UBAP2L: variants seen among roughly 807,000 people sequenced by gnomAD.
The protein encoded by UBAP2L is ubiquitin-associated protein 2-like.
In UBAP2L, 12 loss-of-function variants were observed where a neutral mutation model predicts 130.6. The ratio of observed to expected loss-of-function variants is 0.09; its 90% CI spans 0.06 to 0.15. UBAP2L has a LOEUF of 0.15. UBAP2L is among the 10% of genes least tolerant of loss of function. UBAP2L has a pLI of 1.00. For missense variants in UBAP2L, 965 were observed against 1,332.5 expected, an observed-to-expected ratio of 0.72 and a Z score of 4.29; for synonymous variants, 503 against 524.7, an observed-to-expected ratio of 0.96 and a Z score of 0.57.
At chr1:154,269,177 T>C in intron 26 of UBAP2L, 1 of 823,824 alleles carries the variant, frequency 1.2e-6, no homozygotes, top group Non-Finnish European at 1.9e-6. Flanking sequence ...TTTTGCCCAA[T>C]TCCTTTGGTG....
chr1:154,252,585 GT>G (rs1678087846), intron 14 of UBAP2L, among the ~76,000 whole-genome samples: 1 of 151,476 alleles, frequency 6.6e-6, no homozygotes, highest in Non-Finnish European at 1.5e-5. Context: ...CTGGCTCAGA[GT>G]TTTGCTCTTG....
intron 18 of UBAP2L, 112 bp from the exon 19 acceptor site, chr1:154,256,951 A>G (rs1405108348): frequency 6.2e-6 from 8 of 1,294,516 alleles, no homozygotes; most frequent in Non-Finnish European, 8.4e-6. Context: ...GGCCTCTTTA[A>G]TTAGGAAGTT....
At chr1:154,243,372 C>G in intron 10 of UBAP2L, 70 bp downstream of exon 10, 2 of 1,425,830 alleles carry the variant, frequency 1.4e-6, no homozygotes, top group East Asian at 2.3e-5. Flanking sequence ...AGAGAAGTGG[C>G]ACTGGCCTTT....
intron 1 of UBAP2L, among the ~76,000 whole-genome samples, chr1:154,224,410 C>T (rs1667300991): frequency 6.6e-6 from 1 of 152,040 alleles, no homozygotes; most frequent in Non-Finnish European, 1.5e-5. Flanking sequence ...AATTATTTTC[C>T]AGAGAACAGA....
At chr1:154,254,971 C>T in intron 16 of UBAP2L, 81 bp downstream of exon 16, 1 of 1,515,544 alleles carries the variant, frequency 6.6e-7, no homozygotes, top group Non-Finnish European at 8.9e-7. Context: ...GTTCCCTTCA[C>T]TGGACAATTG....
intron 7 of UBAP2L, 118 bp downstream of exon 7, chr1:154,236,729 G>C: frequency 9.2e-7 from 1 of 1,083,622 alleles, no homozygotes; most frequent in Non-Finnish European, 1.4e-6. Context: ...GGGACTTAGG[G>C]CTCATTTCTT....
In UBAP2L at chr1:154,261,010, C is replaced by T. The variant is rs1348076137; in HGVS notation, c.2697C>T (p.Asn899=). 1 of 1,614,222 alleles carries T rather than the reference C, an allele frequency of 6.2e-7. No homozygotes were observed. Among genetic ancestry groups the T allele is most frequent in the South Asian group, 1.1e-5 (1 of 91,088 alleles). ...THHTTQQTFL[N]PALPPGYSYT... is the part of the protein sequence containing the mutation. ...ATACCACGCAGCAGACATTCCTGAA[C>T]CCGGCGCTGCCTCCTGGCTACAGTT... The change falls in exon 23 of 27, where the codon AAC becomes AAT. Residue 899 remains asparagine, a synonymous_variant. Transcript: ENST00000428931.
chr1:154,226,139 C>CT (rs1433266126), intron 2 of UBAP2L, among the ~76,000 whole-genome samples: 1 of 152,202 alleles, frequency 6.6e-6, no homozygotes. Flanking sequence ...TCTAGCAAGC[C>CT]TTTTCCATTC....
chr1:154,269,548 T>C (rs1478504314), intron 26 of UBAP2L: 3 of 575,456 alleles, frequency 5.2e-6, no homozygotes, highest in Non-Finnish European at 8.5e-6. Flanking sequence ...TGCTGAGCTC[T>C]CTGGCCTCCC....
chr1:154,255,812 G>GT, intron 18 of UBAP2L, 57 bp downstream of exon 18: 1 of 1,570,322 alleles, frequency 6.4e-7, no homozygotes, highest in Admixed American at 1.7e-5. Flanking sequence ...CTGTCCAACT[G>GT]TAAGATTGTC....
intron 10 of UBAP2L, among the ~76,000 whole-genome samples, chr1:154,243,972 A>G (rs1674454598): frequency 6.6e-6 from 1 of 152,200 alleles, no homozygotes; most frequent in African/African-American, 2.4e-5. Context: ...TGAATCTTTT[A>G]GAACTGTTCA....
intron 16 of UBAP2L, 98 bp from the exon 17 acceptor site, chr1:154,255,054 C>A: frequency 6.9e-7 from 1 of 1,447,660 alleles, no homozygotes; most frequent in Non-Finnish European, 9.4e-7. Context: ...TTAAATAACT[C>A]ATCCTTTTGT....
chr1:154,269,248 C>T (rs1488511100), intron 26 of UBAP2L: 1 of 1,121,220 alleles, frequency 8.9e-7, no homozygotes, highest in Non-Finnish European at 1.3e-6. Flanking sequence ...CACCTTCCCT[C>T]TTTCCTCTCC....
At chr1:154,228,565 G>A (rs1571610565) in intron 3 of UBAP2L, 50 bp from the exon 4 acceptor site, 6 of 1,365,220 alleles carry the variant, frequency 4.4e-6, no homozygotes, top group Non-Finnish European at 6.2e-6. Flanking sequence ...CTTTCATTGG[G>A]AGTGTGAGCA....
intron 9 of UBAP2L, chr1:154,241,876 C>T: frequency 3.3e-6 from 2 of 602,466 alleles, no homozygotes; most frequent in Non-Finnish European, 4.2e-6. Context: ...TGGAGTTAGG[C>T]AGGTAGTGCA....
At chr1:154,229,092 CTGTT>C (rs895902838) in intron 4 of UBAP2L, among the ~76,000 whole-genome samples, 2 of 151,198 alleles carry the variant, frequency 1.3e-5, no homozygotes, top group Non-Finnish European at 2.9e-5. Flanking sequence ...ATACTTGATT[CTGTT>C]TTTTTTTCTT....
intron 1 of UBAP2L, among the ~76,000 whole-genome samples, chr1:154,223,726 T>C (rs1667075922): frequency 6.6e-6 from 1 of 152,196 alleles, no homozygotes; most frequent in Admixed American, 6.5e-5. Context: ...ATGCAACCTA[T>C]TGACGCAACT....
chr1:154,270,676 T>C lies in UBAP2L; in HGVS notation c.*381T>C. 3.5e-6 allele frequency: 5 copies of C among 1,410,936 alleles called. No individual in the cohort carries two copies. The South Asian group carries it at 8.1e-5, about 23-fold the overall frequency. 87.4% of individuals were successfully genotyped at this position (1,410,936 alleles called of 1,614,324 possible). ...CAACAGCCCTAAGTCTCCTTCTTTA[T>C]TATTAGGAAAACAACAACAACAACA... On this transcript the variant is annotated 3_prime_UTR_variant, in exon 27 of 27. Coordinates refer to ENST00000428931, the MANE Select transcript of UBAP2L (RefSeq NM_014847.4).
chr1:154,254,736 A>G, intron 15 of UBAP2L, 100 bp from the exon 16 acceptor site: 2 of 1,292,846 alleles, frequency 1.5e-6, no homozygotes, highest in Non-Finnish European at 2.2e-6. Context: ...AGTTTCTCCT[A>G]AAGATTTGTT....
Sources: allele counts gnomAD v4.1 joint callset (sites outside exome capture counted in the v4.1 genomes callset), GRCh38; gene constraint gnomAD v4.1.1; transcripts MANE v1.5; gene names NCBI Gene and HGNC (gene_info 2026-07-23, HGNC 2026-07-21).